The following PDE2A variants were observed in gnomAD, a reference collection of about 807,000 sequenced individuals.
PDE2A encodes phosphodiesterase 2A.
PDE2A carries 53 observed loss-of-function variants against 133.6 expected under a neutral mutation model. That is an observed-to-expected ratio of 0.40 (90% CI 0.32 to 0.50). The LOEUF (loss-of-function observed/expected upper bound fraction) is 0.50. PDE2A is among the 20% of genes least tolerant of loss of function. The pLI, the probability that PDE2A is intolerant of heterozygous loss-of-function variation, is 0.73. For missense variants in PDE2A, 796 were observed against 1,232.4 expected (o/e 0.65, Z 5.30); for synonymous variants, 491 against 490.2 (o/e 1.00, Z -0.02).
At chr11:72,579,513 C>T (rs1420418830) in intron 26 of PDE2A, 21 bp downstream of exon 26, 3 of 1,437,704 alleles carry the variant, frequency 2.1e-6, no homozygotes, top group African/African-American at 2.8e-5. Context: ...TCAATCCCCA[C>T]CCCACCCCCA....
chr11:72,581,001 AAAG>A (rs1855701133), intron 23 of PDE2A, 28 bp from the exon 24 acceptor site: 5 of 1,507,610 alleles, frequency 3.3e-6, no homozygotes, highest in Non-Finnish European at 4.6e-6. Flanking sequence ...AGGAGAAAAA[AAAG>A]AGGTCAGCCC....
intron 2 of PDE2A, among the ~76,000 whole-genome samples, chr11:72,629,867 G>A (rs1254772224): frequency 6.6e-6 from 1 of 152,162 alleles, no homozygotes; most frequent in Non-Finnish European, 1.5e-5. Context: ...TGGGGGTGCT[G>A]TAATAATTAA....
At chr11:72,630,241 G>C (rs898157560) in intron 2 of PDE2A, among the ~76,000 whole-genome samples, 1 of 152,150 alleles carries the variant, frequency 6.6e-6, no homozygotes, top group African/African-American at 2.4e-5. Context: ...GCACAGTCCC[G>C]AGGCTCAAAG....
intron 1 of PDE2A, among the ~76,000 whole-genome samples, chr11:72,650,876 TACACACACAC>T (rs58905066): frequency 0.068 from 8,892 of 130,248 alleles, 272 homozygotes; most frequent in East Asian, 0.087. Flanking sequence ...CAGTCCCCAC[TACACACACAC>T]ACACACACAC....
intron 2 of PDE2A, among the ~76,000 whole-genome samples, chr11:72,637,225 GA>G (rs1858739991): frequency 6.6e-6 from 1 of 152,166 alleles, no homozygotes; most frequent in South Asian, 2.1e-4. Context: ...CATGGCCCCT[GA>G]GTTTATCTCC....
At position 72,577,453 on chromosome 11, in the gene PDE2A, C is replaced by T. The variant is rs567979752; in HGVS notation, c.2757G>A (p.Glu919=). 6 of 1,614,060 alleles carry T rather than the reference C, an allele frequency of 3.7e-6. No individual in the cohort carries two copies. The East Asian group carries it at 1.1e-4, about 30-fold the overall frequency. ...SNNSLDFLDE[E]YEVPDLDGTR... ...TGCCATCCAGATCAGGCACCTCGTA[C>T]TCCTCATCCAGGAAGTCCAGCGAGT... The change falls in exon 31 of 31, where the codon GAG becomes GAA. Residue 919 remains glutamate (E), a synonymous_variant. Coordinates refer to ENST00000334456, the MANE Select transcript of PDE2A (RefSeq NM_002599.5).
chr11:72,640,153 T>TCA (rs905148531), intron 2 of PDE2A, among the ~76,000 whole-genome samples: 2 of 150,980 alleles, frequency 1.3e-5, no homozygotes, highest in African/African-American at 4.9e-5. Flanking sequence ...CACCCTCACT[T>TCA]CACACCACAC....
At chr11:72,622,539 T>A (rs1174600928) in intron 2 of PDE2A, among the ~76,000 whole-genome samples, 1 of 152,236 alleles carries the variant, frequency 6.6e-6, no homozygotes, top group Admixed American at 6.5e-5. Flanking sequence ...TGTCACATGC[T>A]ACAACATGGG....
intron 1 of PDE2A, among the ~76,000 whole-genome samples, chr11:72,670,758 C>T (rs115131161): frequency 1.7e-3 from 252 of 152,200 alleles, no homozygotes; most frequent in African/African-American, 5.7e-3. Flanking sequence ...TGACACAGGA[C>T]GGAGAAAGGA....
chr11:72,659,574 T>C (rs1447875209), intron 1 of PDE2A, among the ~76,000 whole-genome samples: 1 of 152,152 alleles, frequency 6.6e-6, no homozygotes, highest in Non-Finnish European at 1.5e-5. Flanking sequence ...GCTAGTTACA[T>C]AATTGCTTTA....
chr11:72,604,857 C>G (rs973816744), intron 4 of PDE2A, among the ~76,000 whole-genome samples: 3 of 152,232 alleles, frequency 2.0e-5, no homozygotes, highest in African/African-American at 4.8e-5. Context: ...TTCTGAGACT[C>G]TGCTCTGAGG....
intron 2 of PDE2A, among the ~76,000 whole-genome samples, chr11:72,629,600 A>C (rs1362174922): frequency 1.3e-5 from 2 of 152,218 alleles, no homozygotes; most frequent in African/African-American, 4.8e-5. Flanking sequence ...AGCAGGGCCC[A>C]GCCCCACTTG....
chr11:72,584,350 G>T, intron 18 of PDE2A, 37 bp from the exon 19 acceptor site: 1 of 1,403,174 alleles, frequency 7.1e-7, no homozygotes. Context: ...CACCGGTGGA[G>T]GGAGGGATCG....
intron 13 of PDE2A, 77 bp downstream of exon 13, chr11:72,588,707 C>T: frequency 6.9e-7 from 1 of 1,443,592 alleles, no homozygotes; most frequent in Non-Finnish European, 9.5e-7. Flanking sequence ...GTACCCATCC[C>T]ACATTGTTAC....
At position 72,590,873 on chromosome 11, in the gene PDE2A, A is replaced by G; in HGVS notation, c.550-293T>C. ...TCAGATTTCTGTCTCCAGCCCCCTC[A>G]GGAAGTCGTAAGTCCTTGTTAAAGT... On this transcript the variant is annotated intron_variant, in intron 7 of 30. Transcript: ENST00000334456. The surrounding 1 kb of genome is among the most constrained non-coding windows in gnomAD (Gnocchi z 4.8). 1 of 387,084 alleles carries G rather than the reference A, an allele frequency of 2.6e-6. No individual in the cohort carries two copies. 24.0% of individuals were successfully genotyped at this position (387,084 alleles called of 1,614,324 possible). A position where few individuals can be genotyped will look rare whatever the true frequency, so the allele number is the denominator to read the frequency against.
intron 1 of PDE2A, among the ~76,000 whole-genome samples, chr11:72,658,880 G>A (rs920551821): frequency 2.0e-5 from 3 of 151,614 alleles, no homozygotes; most frequent in Admixed American, 6.6e-5. Flanking sequence ...TTTCTTTTAA[G>A]AGACAGGGTC....
At chr11:72,582,226 C>T in intron 21 of PDE2A, 1 of 617,684 alleles carries the variant, frequency 1.6e-6, no homozygotes. Context: ...CATGGTTGGT[C>T]CAAGAGCAGC....
chr11:72,628,235 G>A (rs142904155), intron 2 of PDE2A, among the ~76,000 whole-genome samples: 4 of 152,178 alleles, frequency 2.6e-5, no homozygotes, highest in African/African-American at 7.2e-5. Flanking sequence ...CCAGGCCTGC[G>A]CCGGGCACCC....
chr11:72,607,213 G>GTCGTCCCAGGAACCTGGACCACAGCTC (rs1857007643), intron 3 of PDE2A, among the ~76,000 whole-genome samples: 1 of 152,216 alleles, frequency 6.6e-6, no homozygotes, highest in African/African-American at 2.4e-5. Flanking sequence ...GACCACAGCT[G>GTCGTCCCAGGAACCTGGACCACAGCTC]TCATCCCAGC....
Sources: allele counts gnomAD v4.1 joint callset (sites outside exome capture counted in the v4.1 genomes callset), GRCh38; gene constraint gnomAD v4.1.1; non-coding constraint Gnocchi (gnomAD v3.1); transcripts MANE v1.5; gene names NCBI Gene and HGNC (gene_info 2026-07-23, HGNC 2026-07-21).